Variants in DECR1 observed in about 807,000 individuals in gnomAD.
DECR1 encodes the protein 2,4-dienoyl-CoA reductase 1.
DECR1 carries 44 observed loss-of-function variants against 38.8 expected under a neutral mutation model. That is an observed-to-expected ratio of 1.13 (90% CI 0.89 to 1.46). DECR1 has a LOEUF of 1.46. Among genes scored for constraint, DECR1 ranks in the 40% most tolerant of loss-of-function variants. The pLI, the probability that DECR1 is intolerant of heterozygous loss-of-function variation, is 0.00. For synonymous variants in DECR1, 148 were observed against 135.2 expected, an observed-to-expected ratio of 1.09 and a Z score of -0.66; for missense variants, 428 against 405.5, an observed-to-expected ratio of 1.06 and a Z score of -0.48.
chr8:90,022,054 G>C (rs187971817), intron 5 of DECR1, among the ~76,000 whole-genome samples: 2 of 152,248 alleles, frequency 1.3e-5, no homozygotes, highest in Admixed American at 1.3e-4. Context: ...CACAGAGGTG[G>C]ACAAGACCCT....
intron 8 of DECR1, among the ~76,000 whole-genome samples, chr8:90,051,131 A>C (rs929218502): frequency 6.6e-6 from 1 of 151,964 alleles, no homozygotes; most frequent in African/African-American, 2.4e-5. Flanking sequence ...TATGTAACAA[A>C]CCTGCACATT....
At chr8:90,004,293 G>T (rs998010629) in intron 1 of DECR1, among the ~76,000 whole-genome samples, 1 of 151,168 alleles carries the variant, frequency 6.6e-6, no homozygotes, top group Non-Finnish European at 1.5e-5. Context: ...GTTGCAGTGA[G>T]CCAAGATCAC....
At chr8:90,017,401 T>C in intron 2 of DECR1, 75 bp downstream of exon 2, 1 of 1,110,816 alleles carries the variant, frequency 9.0e-7, no homozygotes, top group Non-Finnish European at 1.3e-6. Flanking sequence ...GAAAACACTG[T>C]TCGCCAGAGT....
intron 8 of DECR1, among the ~76,000 whole-genome samples, chr8:90,048,350 G>T (rs1324092976): frequency 1.3e-5 from 2 of 151,572 alleles, no homozygotes; most frequent in African/African-American, 4.9e-5. Flanking sequence ...ATGATAAAGG[G>T]GATATCACCA....
intron 7 of DECR1, 124 bp from the exon 8 acceptor site, chr8:90,044,725 T>A: frequency 1.1e-6 from 1 of 913,888 alleles, no homozygotes. Context: ...AATTCTTTTT[T>A]ACTTACAAAG....
Position 90,052,236 on chromosome 8 carries a change from T to A in DECR1, c.*339T>A. The stretch of plus-strand genomic sequence containing the variant: ...AGAAACTCAATGGTGGCGGTAGCAT[T>A]TGAGTTACATAATATACTATACCTA... On this transcript the variant is annotated 3_prime_UTR_variant, in exon 10 of 10. Coordinates refer to ENST00000220764, the MANE Select transcript of DECR1 (RefSeq NM_001359.2). 4.1e-6 allele frequency: 1 copy of A among 244,676 alleles called. No individual in the cohort carries two copies. The highest frequency in any genetic ancestry group is 7.9e-6 in the Non-Finnish European group (1 of 127,240). 15.2% of individuals were successfully genotyped at this position (244,676 alleles called of 1,614,324 possible).
chr8:90,005,126 G>A (rs1812708237), intron 1 of DECR1, among the ~76,000 whole-genome samples: 1 of 152,176 alleles, frequency 6.6e-6, no homozygotes, highest in South Asian at 2.1e-4. Flanking sequence ...AAGTGAAAGA[G>A]TGGCTTATTT....
At chr8:90,048,397 A>T (rs1813969450) in intron 8 of DECR1, among the ~76,000 whole-genome samples, 1 of 152,248 alleles carries the variant, frequency 6.6e-6, no homozygotes, top group South Asian at 2.1e-4. Context: ...ATCAGAGAAT[A>T]CTATAAACAC....
chr8:90,028,385 A>G (rs532501355), intron 5 of DECR1, among the ~76,000 whole-genome samples: 1 of 151,890 alleles, frequency 6.6e-6, no homozygotes, highest in African/African-American at 2.4e-5. Flanking sequence ...TTCTTAAAAA[A>G]TTTTTTTTGC....
At chr8:90,048,729 A>G (rs1210495527) in intron 8 of DECR1, among the ~76,000 whole-genome samples, 2 of 152,146 alleles carry the variant, frequency 1.3e-5, no homozygotes, top group Non-Finnish European at 2.9e-5. Flanking sequence ...CAGAGATACA[A>G]CAACAAAAAA....
At chr8:90,048,174 G>T (rs181237186) in intron 8 of DECR1, among the ~76,000 whole-genome samples, 92 of 151,998 alleles carry the variant, frequency 6.1e-4, no homozygotes, top group African/African-American at 1.9e-3. Context: ...AGGCAAGAAA[G>T]TACTAAGATC....
At chr8:90,034,677 C>T (rs551012801) in intron 5 of DECR1, among the ~76,000 whole-genome samples, 6 of 152,068 alleles carry the variant, frequency 3.9e-5, no homozygotes, top group Non-Finnish European at 8.8e-5. Flanking sequence ...GTCTCGAACT[C>T]CTGACCTCAG....
rs1275251184 is a variant in DECR1, at chr8:90,053,098, A to C, written c.*1201A>C. Among the ~76,000 whole-genome samples, 1 of 152,118 alleles carries C rather than the reference A, an allele frequency of 6.6e-6. No homozygotes were observed. Among genetic ancestry groups the C allele is most frequent in the African/African-American group, 2.4e-5 (1 of 41,400 alleles). On this transcript the variant is annotated 3_prime_UTR_variant, in exon 10 of 10. Coordinates refer to ENST00000220764, the MANE Select transcript of DECR1 (RefSeq NM_001359.2). ...ACTGGGCTTTTTTTTAGGCTGTTGC[A>C]CTTTTTCTCCACATGCTTGCAATAC...
chr8:90,033,725 A>T (rs984806818), intron 5 of DECR1, among the ~76,000 whole-genome samples: 1 of 152,218 alleles, frequency 6.6e-6, no homozygotes, highest in African/African-American at 2.4e-5. Context: ...CCTTAAAGGG[A>T]TAAAAAGAAT....
intron 9 of DECR1, 36 bp downstream of exon 9, chr8:90,051,775 C>T: frequency 6.2e-7 from 1 of 1,612,126 alleles, no homozygotes; most frequent in Non-Finnish European, 8.5e-7. Context: ...ATATCAGCAG[C>T]TAGGATACTA....
Position 90,051,824 on chromosome 8 carries a change from C to G in DECR1, c.949-14C>G, listed in dbSNP as rs748006825. Reference sequence around the variant, plus strand: ...TGTAAAAAGGACATTAAATTGACATCTTTTTTGTGTTAGGTCACCAAGGAG... The same window carrying G: ...TGTAAAAAGGACATTAAATTGACATGTTTTTTGTGTTAGGTCACCAAGGAG... On this transcript the variant is annotated splice_polypyrimidine_tract_variant and intron_variant, in intron 9 of 9. Coordinates refer to ENST00000220764, the MANE Select transcript of DECR1 (RefSeq NM_001359.2). The G allele has an allele frequency of 6.8e-6, 11 of 1,613,342 alleles. No individual in the cohort carries two copies. In the African/African-American group the frequency reaches 1.5e-4, roughly 22 times the overall value.
rs1814111890 is a variant in DECR1 at position 90,052,039 on chromosome 8, T to C, written c.*142T>C. The C allele has an allele frequency of 1.5e-6, 1 of 669,542 alleles. No individual in the cohort carries two copies. The highest frequency in any genetic ancestry group is 2.8e-5 in the East Asian group (1 of 36,192). 41.5% of individuals were successfully genotyped at this position (669,542 alleles called of 1,614,324 possible). A position where few individuals can be genotyped will look rare whatever the true frequency, so the allele number is the denominator to read the frequency against. ...TATGTATTATGTGCCAGGCCAGTGA[T>C]AGCCATTGTATATTCAAAGATAAAT... On this transcript the variant is annotated 3_prime_UTR_variant, in exon 10 of 10. Transcript: ENST00000220764.
At chr8:90,031,149 A>G (rs1247232299) in intron 5 of DECR1, among the ~76,000 whole-genome samples, 1 of 152,100 alleles carries the variant, frequency 6.6e-6, no homozygotes, top group African/African-American at 2.4e-5. Context: ...AGTCCTATCA[A>G]CTTGGACAGA....
rs1199291103 is a variant in DECR1 at position 90,051,884 on chromosome 8, C to G, written c.995C>G (p.Thr332Arg). The G allele has an allele frequency of 1.2e-6, 2 of 1,613,646 alleles. No homozygotes were observed. The highest frequency in any genetic ancestry group is 2.2e-5 in the South Asian group (2 of 91,064). Reference sequence around the variant, plus strand: ...ACCATAGAAGAACTCATCAGGAAGACAAAAGGTTCCTAAGACCACTTTGGC... The same window carrying G: ...ACCATAGAAGAACTCATCAGGAAGAGAAAAGGTTCCTAAGACCACTTTGGC... ...WDTIEELIRK[T>R]KGS The change falls in exon 10 of 10, where the codon ACA becomes AGA. Residue 332 changes from threonine (T) to arginine (R), a missense_variant. Transcript: ENST00000220764.
Sources: allele counts gnomAD v4.1 joint callset (sites outside exome capture counted in the v4.1 genomes callset), GRCh38; gene constraint gnomAD v4.1.1; transcripts MANE v1.5; gene names NCBI Gene and HGNC (gene_info 2026-07-23, HGNC 2026-07-21).